WNT3A: variants seen among roughly 807,000 people sequenced by gnomAD.
WNT3A encodes Wnt family member 3A.
WNT3A carries 17 observed loss-of-function variants against 37.0 expected under a neutral mutation model. The observed-to-expected ratio is 0.46, with a 90% CI of 0.31 to 0.69. WNT3A has a LOEUF of 0.69. Ranked by LOEUF, WNT3A falls within the 30% of genes least tolerant of loss-of-function variation. WNT3A has a pLI of 0.05. For synonymous variants in WNT3A, 187 were observed against 211.0 expected (o/e 0.89, Z 0.99); for missense variants, 411 against 510.2 (o/e 0.81, Z 1.87).
intron 1 of WNT3A, among the ~76,000 whole-genome samples, chr1:228,021,390 G>T (rs1338073521): frequency 6.6e-6 from 1 of 152,240 alleles, no homozygotes; most frequent in Non-Finnish European, 1.5e-5. Context: ...GAGGAGTGAG[G>T]TTGCCACGGT....
intron 1 of WNT3A, among the ~76,000 whole-genome samples, chr1:228,016,045 C>T (rs2030523372): frequency 6.6e-6 from 1 of 152,104 alleles, no homozygotes; most frequent in Admixed American, 6.5e-5. Flanking sequence ...CCCGATGTTG[C>T]CCCTTTCTGT....
chr1:228,057,760 G>T (rs1321390982), intron 3 of WNT3A, among the ~76,000 whole-genome samples: 1 of 152,172 alleles, frequency 6.6e-6, no homozygotes, highest in African/African-American at 2.4e-5. Flanking sequence ...TCCCACAAAT[G>T]ACACAAAGAT....
At position 228,050,985 on chromosome 1, in the gene WNT3A, G is replaced by T; in HGVS notation, c.579+64G>T. On this transcript the variant is annotated intron_variant, in intron 3 of 3. Transcript: ENST00000284523. The surrounding 1 kb of genome is among the most constrained non-coding windows in gnomAD (Gnocchi z 5.0). ...GCCTCCTCAGCAGGGTGTGTGCCCT[G>T]GTTCCTTGGGGCATATGGCCCGGTG... The T allele has an allele frequency of 6.9e-7, 1 of 1,459,310 alleles. No homozygotes were observed. The allele number at this position is 1,459,310 out of a possible 1,614,324, so 90.4% of individuals were successfully genotyped here. A position where few individuals can be genotyped will look rare whatever the true frequency, so the allele number is the denominator to read the frequency against.
At chr1:228,023,300 G>C (rs1187879555) in intron 2 of WNT3A, among the ~76,000 whole-genome samples, 1 of 152,070 alleles carries the variant, frequency 6.6e-6, no homozygotes, top group Non-Finnish European at 1.5e-5. Context: ...AAGACAGAGA[G>C]AGACAGAGAG....
intron 1 of WNT3A, among the ~76,000 whole-genome samples, chr1:228,015,888 G>A (rs2030517928): frequency 6.6e-6 from 1 of 152,102 alleles, no homozygotes. Flanking sequence ...TCCTGGCCCT[G>A]CCTGCTGGCT....
intron 3 of WNT3A, among the ~76,000 whole-genome samples, chr1:228,056,475 A>G (rs1352844231): frequency 1.3e-5 from 2 of 152,200 alleles, no homozygotes; most frequent in African/African-American, 4.8e-5. Context: ...CAGAAGCAAA[A>G]TCCTCAAATT....
intron 2 of WNT3A, among the ~76,000 whole-genome samples, chr1:228,024,143 T>C (rs2102766003): frequency 6.6e-6 from 1 of 152,384 alleles, no homozygotes. Context: ...TCACACCTTT[T>C]GGTTTCTGTA....
chr1:228,030,270 T>A (rs2030968371), intron 2 of WNT3A, among the ~76,000 whole-genome samples: 1 of 150,960 alleles, frequency 6.6e-6, no homozygotes, highest in Non-Finnish European at 1.5e-5. Flanking sequence ...GTGGTGGGCA[T>A]CTGTAATCCC....
intron 2 of WNT3A, among the ~76,000 whole-genome samples, chr1:228,026,968 G>T (rs1053061479): frequency 6.6e-6 from 1 of 151,804 alleles, no homozygotes; most frequent in South Asian, 2.1e-4. Context: ...TCAGCCTCCC[G>T]AGTAGCTGGG....
In WNT3A at chr1:228,007,113, G is replaced by A. The variant is rs1427911147; in HGVS notation, c.-16G>A. The stretch of plus-strand genomic sequence containing the variant: ...TCGGGGCGGACTCCCGGCCCTCCGC[G>A]CCCTCTCGCGCGGCGATGGCCCCAC... On this transcript the variant is annotated 5_prime_UTR_variant, in exon 1 of 4. Coordinates refer to ENST00000284523, the MANE Select transcript of WNT3A (RefSeq NM_033131.4). This position sits in a 1 kb window ranked among gnomAD's most constrained non-coding sequence, Gnocchi z 6.0. The A allele has an allele frequency of 1.3e-6, 2 of 1,558,918 alleles. No individual in the cohort carries two copies. Among genetic ancestry groups the A allele is most frequent in the East Asian group, 5.2e-5 (2 of 38,820 alleles).
chr1:228,060,152 G>A lies in WNT3A; in HGVS notation c.*687G>A, dbSNP rs903441970. 1 of 1,348,558 alleles carries A rather than the reference G, an allele frequency of 7.4e-7. No individual in the cohort carries two copies. The highest frequency in any genetic ancestry group is 9.8e-7 in the Non-Finnish European group (1 of 1,019,686). 83.5% of individuals were successfully genotyped at this position (1,348,558 alleles called of 1,614,324 possible). A position where few individuals can be genotyped will look rare whatever the true frequency, so the allele number is the denominator to read the frequency against. ...TGGGGCGGGGCTTCTCTCCGCGGGTGGGACTCTTCCCTGGGAACCGCCCTC... is the reference window on the plus strand; with the variant it reads ...TGGGGCGGGGCTTCTCTCCGCGGGTAGGACTCTTCCCTGGGAACCGCCCTC... On this transcript the variant is annotated 3_prime_UTR_variant, in exon 4 of 4. Transcript: ENST00000284523.
At chr1:228,028,467 A>G (rs545346121) in intron 2 of WNT3A, among the ~76,000 whole-genome samples, 1 of 151,662 alleles carries the variant, frequency 6.6e-6, no homozygotes, top group East Asian at 1.9e-4. Flanking sequence ...ATACCTGGCT[A>G]ATTTTTTTTG....
chr1:228,047,856 C>T (rs187253030), intron 2 of WNT3A, among the ~76,000 whole-genome samples: 49 of 152,190 alleles, frequency 3.2e-4, no homozygotes, highest in Non-Finnish European at 4.0e-4. Flanking sequence ...CAAGAACTCA[C>T]TCATAATCTC....
intron 3 of WNT3A, among the ~76,000 whole-genome samples, chr1:228,055,203 T>A (rs1278408755): frequency 1.3e-5 from 1 of 76,656 alleles, no homozygotes; most frequent in Non-Finnish European, 2.8e-5. Flanking sequence ...TATATATATA[T>A]ATATATATAT....
rs930824066 is a variant in WNT3A at position 228,007,726 on chromosome 1, C to T, written c.71+527C>T. 1.3e-5 allele frequency among the ~76,000 whole-genome samples: 2 copies of T among 152,120 alleles called. No individual in the cohort carries two copies. The highest frequency in any genetic ancestry group is 2.4e-5 in the African/African-American group (1 of 41,430). The stretch of plus-strand genomic sequence containing the variant: ...AGCTGGGACCCGGCGGGGAGTGGCG[C>T]AGAGCCGGCGGCGGGGCGCACTGGG... On this transcript the variant is annotated intron_variant, in intron 1 of 3. Transcript: ENST00000284523. This position sits in a 1 kb window ranked among gnomAD's most constrained non-coding sequence, Gnocchi z 6.0.
rs528190397 is a variant in WNT3A, at chr1:228,030,936, T to C, written c.313+8028T>C. On this transcript the variant is annotated intron_variant, in intron 2 of 3. Coordinates refer to ENST00000284523, the MANE Select transcript of WNT3A (RefSeq NM_033131.4). ...ATGCGAAGGAAGACCACAAGTCCTT[T>C]GGAGGGGAGGTGCCTGGCCCTGGGG... Among the ~76,000 whole-genome samples the C allele has an allele frequency of 2.0e-5, 3 of 152,316 alleles. No homozygotes were observed. The East Asian group carries it at 5.8e-4, about 29-fold the overall frequency.
intron 2 of WNT3A, among the ~76,000 whole-genome samples, chr1:228,029,084 A>G (rs1199291958): frequency 6.6e-6 from 1 of 152,146 alleles, no homozygotes; most frequent in Non-Finnish European, 1.5e-5. Flanking sequence ...GCAGGTTTGT[A>G]GGCACCACCA....
chr1:228,059,652 G>A lies in WNT3A; in HGVS notation c.*187G>A, dbSNP rs2031754904. The stretch of plus-strand genomic sequence containing the variant: ...AAGGCAGGGCTCCTCCCTGGAGCTA[G>A]TGTCTCCTCTCTGGTGGCTGGGCTG... On this transcript the variant is annotated 3_prime_UTR_variant, in exon 4 of 4. Coordinates refer to ENST00000284523, the MANE Select transcript of WNT3A (RefSeq NM_033131.4). 3 of 1,370,140 alleles carry A rather than the reference G, an allele frequency of 2.2e-6. No individual in the cohort carries two copies. 84.9% of individuals were successfully genotyped at this position (1,370,140 alleles called of 1,614,324 possible).
At chr1:228,057,561 G>A (rs534131627) in intron 3 of WNT3A, among the ~76,000 whole-genome samples, 299 of 152,286 alleles carry the variant, frequency 2.0e-3, no homozygotes, top group Middle Eastern at 0.01. Context: ...TGGGCAGGGC[G>A]AGGGATATGT....
Sources: allele counts gnomAD v4.1 joint callset (sites outside exome capture counted in the v4.1 genomes callset), GRCh38; gene constraint gnomAD v4.1.1; non-coding constraint Gnocchi (gnomAD v3.1); transcripts MANE v1.5; gene names NCBI Gene and HGNC (gene_info 2026-07-23, HGNC 2026-07-21).